Variants in NR3C2 observed in about 807,000 individuals in gnomAD.
NR3C2 encodes the protein mineralocorticoid receptor.
In NR3C2, 15 loss-of-function variants were observed where a neutral mutation model predicts 86.4. That is an observed-to-expected ratio of 0.17 (90% CI 0.12 to 0.27). NR3C2 has a LOEUF of 0.27. Among genes scored for constraint, NR3C2 ranks in the 10% least tolerant of loss-of-function variants. The probability of loss-of-function intolerance (pLI) is 1.00; values close to 1 mark genes in which losing one functional copy is unlikely to be tolerated. For missense variants in NR3C2, 960 were observed against 1,195.6 expected (o/e 0.80, Z 2.91); for synonymous variants, 458 against 450.5 (o/e 1.02, Z -0.21).
intron 2 of NR3C2, among the ~76,000 whole-genome samples, chr4:148,380,951 T>C (rs1467121115): frequency 6.6e-6 from 1 of 152,120 alleles, no homozygotes; most frequent in African/African-American, 2.4e-5. Flanking sequence ...CCTGCATTAC[T>C]AAAAACTGTT....
intron 3 of NR3C2, among the ~76,000 whole-genome samples, chr4:148,229,722 C>A (rs781474716): frequency 3.4e-4 from 51 of 152,140 alleles, no homozygotes; most frequent in Admixed American, 6.5e-5. Context: ...ATGAAAGTCA[C>A]CAAATGTCAC....
Position 148,081,328 on chromosome 4 carries a change from TCTG to T in NR3C2, c.*13_*15del. On this transcript the variant is annotated 3_prime_UTR_variant, in exon 9 of 9. Transcript: ENST00000358102. ...ACAGGGAAACTTAAGGCAAAGTTCTTCTGGGCAGCGGGCAGTCACTTCCGGTGG... is the reference window on the plus strand; with the variant it reads ...ACAGGGAAACTTAAGGCAAAGTTCTTGGCAGCGGGCAGTCACTTCCGGTGG... The T allele has an allele frequency of 6.2e-7, 1 of 1,614,188 alleles. No homozygotes were observed. Among genetic ancestry groups the T allele is most frequent in the Non-Finnish European group, 8.5e-7 (1 of 1,180,034 alleles).
rs770966721 is a variant in NR3C2 at position 148,154,767 on chromosome 4, G to T, written c.2149C>A (p.Pro717Thr). ...GTTYIAPAKEPSVNTALVPQL... is the reference protein window; with the variant it reads ...GTTYIAPAKETSVNTALVPQL... The stretch of plus-strand genomic sequence containing the variant: ...GGAACCAGTGCTGTGTTGACCGAGG[G>T]TTCTTTTGCAGGAGCGATGTACGTT... Residue 717 changes from proline to threonine, a missense_variant, in exon 5 of 9, where the codon CCC becomes ACC. By Grantham distance (38) the Pro-to-Thr change is conservative. Transcript: ENST00000358102. The T allele has an allele frequency of 2.1e-6, 3 of 1,425,530 alleles. No individual in the cohort carries two copies. Among genetic ancestry groups the T allele is most frequent in the South Asian group, 2.3e-5 (2 of 88,472 alleles). The allele number at this position is 1,425,530 out of a possible 1,614,324, so 88.3% of individuals were successfully genotyped here.
chr4:148,318,698 C>A (rs1353517847), intron 2 of NR3C2, among the ~76,000 whole-genome samples: 1 of 151,666 alleles, frequency 6.6e-6, no homozygotes, highest in Non-Finnish European at 1.5e-5. Context: ...CTGTTCATGT[C>A]CTTCGCCCAC....
At chr4:148,141,781 G>A (rs1399974885) in intron 6 of NR3C2, among the ~76,000 whole-genome samples, 1 of 152,142 alleles carries the variant, frequency 6.6e-6, no homozygotes, top group East Asian at 1.9e-4. Context: ...TAGCTGAACT[G>A]TGCACATGAG....
Position 148,081,292 on chromosome 4 carries a change from T to C in NR3C2, c.*52A>G. 6.2e-7 allele frequency: 1 copy of C among 1,612,538 alleles called. No individual in the cohort carries two copies. Among genetic ancestry groups the C allele is most frequent in the Non-Finnish European group, 8.5e-7 (1 of 1,178,630 alleles). On this transcript the variant is annotated 3_prime_UTR_variant, in exon 9 of 9. Transcript: ENST00000358102. The stretch of plus-strand genomic sequence containing the variant: ...ACAGGTTTTCTTGGGTCCTTCTGGG[T>C]GTGGAACAACACAGGGAAACTTAAG...
At chr4:148,351,878 G>C (rs936135962) in intron 2 of NR3C2, among the ~76,000 whole-genome samples, 1 of 152,096 alleles carries the variant, frequency 6.6e-6, no homozygotes, top group African/African-American at 2.4e-5. Flanking sequence ...TTCTTAAAAT[G>C]CAGTCCCCCC....
At chr4:148,087,833 C>G (rs1321486587) in intron 8 of NR3C2, among the ~76,000 whole-genome samples, 5 of 152,186 alleles carry the variant, frequency 3.3e-5, no homozygotes, top group Admixed American at 3.3e-4. Flanking sequence ...ACTAAAACAC[C>G]AAAAGCAATG....
intron 2 of NR3C2, among the ~76,000 whole-genome samples, chr4:148,280,310 T>C (rs1741168935): frequency 6.6e-6 from 1 of 152,198 alleles, no homozygotes; most frequent in Admixed American, 6.5e-5. Context: ...AAATGACTTG[T>C]TCTGCAATTT....
chr4:148,346,577 G>A lies in NR3C2; in HGVS notation c.1758-86460C>T, dbSNP rs1250601449. On this transcript the variant is annotated intron_variant, in intron 2 of 8. Coordinates refer to ENST00000358102, the MANE Select transcript of NR3C2 (RefSeq NM_000901.5). ...CTCAGGCATACAGGTTCCCACTGTG[G>A]TAGCCACTAGCCACATGTTGTCTAT... Among the ~76,000 whole-genome samples, 3 of 152,126 alleles carry A rather than the reference G, an allele frequency of 2.0e-5. No individual in the cohort carries two copies. In the East Asian group the frequency reaches 5.8e-4, roughly 29 times the overall value.
chr4:148,099,754 G>A (rs1731450646), intron 8 of NR3C2, among the ~76,000 whole-genome samples: 1 of 152,162 alleles, frequency 6.6e-6, no homozygotes, highest in African/African-American at 2.4e-5. Flanking sequence ...ACAGGTGTTA[G>A]ACAATAAGAT....
At chr4:148,362,326 T>C (rs1460309160) in intron 2 of NR3C2, among the ~76,000 whole-genome samples, 1 of 152,130 alleles carries the variant, frequency 6.6e-6, no homozygotes, top group Non-Finnish European at 1.5e-5. Flanking sequence ...TACTGAATGC[T>C]CCCAACACAA....
intron 2 of NR3C2, among the ~76,000 whole-genome samples, chr4:148,345,800 C>T (rs112200758): frequency 3.9e-4 from 60 of 152,024 alleles, no homozygotes; most frequent in African/African-American, 1.3e-3. Flanking sequence ...ATACTGACTA[C>T]AGGCCAGGTA....
At chr4:148,348,161 A>T (rs1745091382) in intron 2 of NR3C2, among the ~76,000 whole-genome samples, 1 of 152,108 alleles carries the variant, frequency 6.6e-6, no homozygotes, top group Non-Finnish European at 1.5e-5. Context: ...TGCAATGCTC[A>T]TCTCAGAGCA....
intron 2 of NR3C2, among the ~76,000 whole-genome samples, chr4:148,419,854 T>C (rs1452385576): frequency 1.3e-5 from 2 of 152,188 alleles, no homozygotes; most frequent in Admixed American, 1.3e-4. Context: ...TCAATAATAA[T>C]TAAGTCTTAC....
chr4:148,250,303 T>C (rs923288210), intron 3 of NR3C2, among the ~76,000 whole-genome samples: 3 of 152,142 alleles, frequency 2.0e-5, no homozygotes, highest in Non-Finnish European at 4.4e-5. Context: ...AAGACTGACA[T>C]CTTTTTTTAT....
intron 3 of NR3C2, among the ~76,000 whole-genome samples, chr4:148,196,423 A>G (rs1042692989): frequency 1.3e-5 from 2 of 152,164 alleles, no homozygotes; most frequent in Admixed American, 6.5e-5. Flanking sequence ...ATTTTAAGCC[A>G]TAAAACTGGG....
intron 8 of NR3C2, among the ~76,000 whole-genome samples, chr4:148,103,478 C>G (rs1420529426): frequency 6.6e-6 from 1 of 152,182 alleles, no homozygotes; most frequent in Non-Finnish European, 1.5e-5. Context: ...CACTCAGTAG[C>G]CCTTTCTTTG....
intron 2 of NR3C2, among the ~76,000 whole-genome samples, chr4:148,382,446 T>C (rs1747047216): frequency 6.6e-6 from 1 of 152,182 alleles, no homozygotes; most frequent in African/African-American, 2.4e-5. Context: ...CTAATGCTAT[T>C]GTACTTGTCC....
Sources: allele counts gnomAD v4.1 joint callset (sites outside exome capture counted in the v4.1 genomes callset), GRCh38; gene constraint gnomAD v4.1.1; transcripts MANE v1.5; gene names NCBI Gene and HGNC (gene_info 2026-07-23, HGNC 2026-07-21).